Variants in KIAA1328 observed in about 807,000 individuals in gnomAD.
The protein encoded by KIAA1328 is protein hinderin.
KIAA1328 carries 52 observed loss-of-function variants against 68.1 expected under a neutral mutation model. The observed-to-expected ratio is 0.76, with a 90% CI of 0.61 to 0.96. The LOEUF (loss-of-function observed/expected upper bound fraction) is 0.96. KIAA1328 is among the 40% of genes least tolerant of loss of function. The pLI, the probability that KIAA1328 is intolerant of heterozygous loss-of-function variation, is 0.00. For synonymous variants in KIAA1328, 232 were observed against 239.4 expected (o/e 0.97, Z 0.28); for missense variants, 641 against 677.6 (o/e 0.95, Z 0.60).
intron 5 of KIAA1328, among the ~76,000 whole-genome samples, chr18:36,896,047 G>C (rs1269277950): frequency 6.6e-6 from 1 of 152,172 alleles, no homozygotes; most frequent in Non-Finnish European, 1.5e-5. Context: ...ATGGCAGTCT[G>C]AGCAGACTAA....
chr18:37,080,323 A>T (rs962261832), intron 7 of KIAA1328, among the ~76,000 whole-genome samples: 3 of 152,188 alleles, frequency 2.0e-5, no homozygotes, highest in Non-Finnish European at 2.9e-5. Flanking sequence ...TTAGATGGGA[A>T]TTATCCTTGG....
At chr18:36,974,334 T>C (rs1447229847) in intron 6 of KIAA1328, among the ~76,000 whole-genome samples, 1 of 152,134 alleles carries the variant, frequency 6.6e-6, no homozygotes, top group Non-Finnish European at 1.5e-5. Context: ...TAGCCTCCAC[T>C]CTTCTGAGTC....
intron 9 of KIAA1328, among the ~76,000 whole-genome samples, chr18:37,191,716 G>A (rs1381814975): frequency 6.6e-6 from 1 of 151,862 alleles, no homozygotes; most frequent in Non-Finnish European, 1.5e-5. Context: ...GTACTAAGTG[G>A]AATCATTAAC....
intron 7 of KIAA1328, among the ~76,000 whole-genome samples, chr18:37,078,396 T>TA (rs1346851617): frequency 3.9e-5 from 6 of 151,960 alleles, no homozygotes; most frequent in African/African-American, 1.4e-4. Flanking sequence ...ACCTAGGCAA[T>TA]ACCATTCAGG....
intron 5 of KIAA1328, among the ~76,000 whole-genome samples, chr18:36,926,313 G>A (rs985140750): frequency 2.3e-4 from 35 of 152,038 alleles, no homozygotes; most frequent in African/African-American, 8.2e-4. Flanking sequence ...GCAACTTTGT[G>A]TTATTAATGG....
chr18:37,034,143 G>A (rs2054937892), intron 6 of KIAA1328, among the ~76,000 whole-genome samples: 1 of 152,130 alleles, frequency 6.6e-6, no homozygotes, highest in African/African-American at 2.4e-5. Context: ...GAAAACAAAG[G>A]CTTTATGGAG....
At chr18:37,081,346 A>G (rs1437178985) in intron 7 of KIAA1328, among the ~76,000 whole-genome samples, 1 of 152,180 alleles carries the variant, frequency 6.6e-6, no homozygotes, top group Non-Finnish European at 1.5e-5. Context: ...ATGTTTTATC[A>G]TAGTTAGCTG....
chr18:37,109,346 C>T (rs1324467559), intron 7 of KIAA1328, among the ~76,000 whole-genome samples: 1 of 152,164 alleles, frequency 6.6e-6, no homozygotes, highest in African/African-American at 2.4e-5. Flanking sequence ...AGATTGATGA[C>T]ACTTAAAGGG....
chr18:37,140,948 A>G (rs1358036845), intron 7 of KIAA1328, among the ~76,000 whole-genome samples: 1 of 152,204 alleles, frequency 6.6e-6, no homozygotes, highest in African/African-American at 2.4e-5. Flanking sequence ...GTACCTGGTC[A>G]GTGAATGTTT....
intron 6 of KIAA1328, 114 bp from the exon 7 acceptor site, chr18:37,066,776 A>G (rs2151732768): frequency 9.9e-7 from 1 of 1,006,522 alleles, no homozygotes; most frequent in Non-Finnish European, 1.4e-6. Flanking sequence ...AATATTTAAG[A>G]CAAAACAACA....
At chr18:37,078,210 G>T (rs1231085338) in intron 7 of KIAA1328, among the ~76,000 whole-genome samples, 3 of 152,118 alleles carry the variant, frequency 2.0e-5, no homozygotes, top group East Asian at 3.9e-4. Context: ...ACAAATCTGA[G>T]AAAAACAAGC....
At chr18:36,965,241 C>T (rs1268455434) in intron 6 of KIAA1328, among the ~76,000 whole-genome samples, 1 of 151,914 alleles carries the variant, frequency 6.6e-6, no homozygotes, top group Admixed American at 6.6e-5. Context: ...TTCCTCTGAT[C>T]TGGTAAAAGG....
At chr18:36,984,739 C>T (rs1432149689) in intron 6 of KIAA1328, among the ~76,000 whole-genome samples, 1 of 151,854 alleles carries the variant, frequency 6.6e-6, no homozygotes, top group Non-Finnish European at 1.5e-5. Context: ...AACCCCATCT[C>T]TACTAAAAAT....
At chr18:36,871,063 G>A (rs2047928800) in intron 4 of KIAA1328, among the ~76,000 whole-genome samples, 1 of 152,098 alleles carries the variant, frequency 6.6e-6, no homozygotes, top group Non-Finnish European at 1.5e-5. Context: ...TAGATTTCTG[G>A]TTGGTTGGTT....
At chr18:36,907,926 G>A (rs896280669) in intron 5 of KIAA1328, among the ~76,000 whole-genome samples, 8 of 152,000 alleles carry the variant, frequency 5.3e-5, no homozygotes, top group African/African-American at 1.9e-4. Flanking sequence ...CTACAAATTC[G>A]ATTTCTTACA....
intron 6 of KIAA1328, among the ~76,000 whole-genome samples, chr18:37,023,530 A>G (rs1345922469): frequency 6.6e-6 from 1 of 152,186 alleles, no homozygotes; most frequent in Non-Finnish European, 1.5e-5. Context: ...ATTTTACTGC[A>G]TAAGATGGCA....
chr18:37,045,322 A>G lies in KIAA1328; in HGVS notation c.577-21568A>G, dbSNP rs534043755. 2.5e-3 allele frequency among the ~76,000 whole-genome samples: 388 copies of G among 152,280 alleles called. 7 individuals are homozygous for G. Among genetic ancestry groups the G allele is most frequent in the Non-Finnish European group, 2.9e-3 (197 of 68,026 alleles). On this transcript the variant is annotated intron_variant, in intron 6 of 9. Transcript: ENST00000280020. ...CAGTGCTGTTTGAAACCACTAATCC[A>G]GGTATTATTAGCATGAAAAGGAGCC...
chr18:37,207,026 G>C (rs979133622), intron 9 of KIAA1328, among the ~76,000 whole-genome samples: 1 of 152,082 alleles, frequency 6.6e-6, no homozygotes, highest in African/African-American at 2.4e-5. Flanking sequence ...ATCAGAACAG[G>C]GGAGTTCAGA....
intron 5 of KIAA1328, among the ~76,000 whole-genome samples, chr18:36,893,528 C>T (rs1196117998): frequency 6.8e-6 from 1 of 147,964 alleles, no homozygotes; most frequent in Non-Finnish European, 1.5e-5. Context: ...CATTATGTTG[C>T]CTAGGCTGGG....
Sources: gnomAD v4.1 joint callset for allele counts (sites outside exome capture counted in the v4.1 genomes callset) on GRCh38, gnomAD v4.1.1 for gene constraint, MANE v1.5 for transcripts, NCBI Gene and HGNC (gene_info 2026-07-23, HGNC 2026-07-21) for gene names.